GLG1: variants seen among roughly 807,000 people sequenced by gnomAD.
GLG1 encodes Golgi apparatus protein 1.
GLG1 carries 38 observed loss-of-function variants against 160.5 expected under a neutral mutation model. The ratio of observed to expected loss-of-function variants is 0.24; its 90% CI spans 0.18 to 0.31. The LOEUF (loss-of-function observed/expected upper bound fraction) is 0.31, where lower values mean the gene tolerates loss of function less well. Among genes scored for constraint, GLG1 ranks in the 10% least tolerant of loss-of-function variants. The pLI, the probability that GLG1 is intolerant of heterozygous loss-of-function variation, is 1.00. For synonymous variants in GLG1, 644 were observed against 543.4 expected (o/e 1.19, Z -2.57); for missense variants, 1,373 against 1,505.2 (o/e 0.91, Z 1.45).
At chr16:74,524,702 G>C (rs530243383) in intron 2 of GLG1, among the ~76,000 whole-genome samples, 18 of 152,258 alleles carry the variant, frequency 1.2e-4, no homozygotes, top group Non-Finnish European at 2.4e-4. Context: ...AAGCTGTATG[G>C]TGATTCCATG....
At chr16:74,464,198 T>C (rs991380634) in intron 19 of GLG1, among the ~76,000 whole-genome samples, 1 of 152,182 alleles carries the variant, frequency 6.6e-6, no homozygotes, top group African/African-American at 2.4e-5. Flanking sequence ...ATGTTAAGTT[T>C]AATGGCATCT....
intron 1 of GLG1, among the ~76,000 whole-genome samples, chr16:74,587,796 C>T (rs1456577112): frequency 6.6e-6 from 1 of 152,074 alleles, no homozygotes; most frequent in African/African-American, 2.4e-5. Flanking sequence ...GCGGAGGTTG[C>T]AGTGAGCTGA....
chr16:74,498,155 C>T (rs546732746), intron 4 of GLG1, among the ~76,000 whole-genome samples: 16 of 151,514 alleles, frequency 1.1e-4, no homozygotes, highest in Admixed American at 2.6e-4. Flanking sequence ...GCTATTAGCC[C>T]GGCACGATGG....
intron 10 of GLG1, among the ~76,000 whole-genome samples, chr16:74,481,385 T>C (rs904202499): frequency 2.0e-5 from 3 of 152,168 alleles, no homozygotes; most frequent in African/African-American, 4.8e-5. Context: ...CTTTGGTAGA[T>C]GGCTAGTTAA....
chr16:74,486,926 C>A (rs1343221126), intron 8 of GLG1, among the ~76,000 whole-genome samples: 1 of 149,790 alleles, frequency 6.7e-6, no homozygotes, highest in Non-Finnish European at 1.5e-5. Context: ...TTTTTTTTTC[C>A]CCCCCGAGAC....
intron 1 of GLG1, among the ~76,000 whole-genome samples, chr16:74,574,017 G>C (rs1359494565): frequency 6.6e-6 from 1 of 152,058 alleles, no homozygotes; most frequent in Non-Finnish European, 1.5e-5. Flanking sequence ...CTCTTTTTAA[G>C]CTACTGACTC....
chr16:74,495,354 T>G (rs879715910), intron 5 of GLG1, among the ~76,000 whole-genome samples: 1 of 152,226 alleles, frequency 6.6e-6, no homozygotes, highest in Non-Finnish European at 1.5e-5. Context: ...CCTCAAGTGA[T>G]CTGCCTGCCT....
intron 1 of GLG1, among the ~76,000 whole-genome samples, chr16:74,580,902 C>G (rs937835834): frequency 3.3e-5 from 5 of 152,294 alleles, no homozygotes; most frequent in South Asian, 2.1e-4. Context: ...GAAACTCCAT[C>G]TCTACTAAAA....
chr16:74,456,537 A>G, intron 25 of GLG1, 112 bp downstream of exon 25: 1 of 725,626 alleles, frequency 1.4e-6, no homozygotes, highest in Non-Finnish European at 2.4e-6. Context: ...AAGAGGCTGG[A>G]CAGCCACAGC....
intron 1 of GLG1, among the ~76,000 whole-genome samples, chr16:74,564,909 C>T (rs765962617): frequency 3.9e-5 from 6 of 152,184 alleles, no homozygotes; most frequent in African/African-American, 7.2e-5. Flanking sequence ...GCTCTAATCC[C>T]TACAGAAAAC....
intron 16 of GLG1, 87 bp from the exon 17 acceptor site, chr16:74,469,150 A>G (rs1413543775): frequency 1.3e-5 from 11 of 817,740 alleles, no homozygotes; most frequent in Non-Finnish European, 2.4e-5. Flanking sequence ...CACACCATTA[A>G]GAATTCAAGA....
At chr16:74,465,835 C>T (rs764936546) in intron 18 of GLG1, 22 bp from the exon 19 acceptor site, 47 of 1,610,910 alleles carry the variant, frequency 2.9e-5, no homozygotes, top group Admixed American at 6.7e-5. Flanking sequence ...GAGTTATAGT[C>T]AAGTTGAGAG....
chr16:74,561,913 G>A (rs1031238068), intron 1 of GLG1, among the ~76,000 whole-genome samples: 6 of 152,102 alleles, frequency 3.9e-5, no homozygotes, highest in African/African-American at 9.7e-5. Flanking sequence ...GCTCTAAATC[G>A]CTAAAAATGG....
In GLG1 at chr16:74,558,362, T is replaced by C. The variant is rs1474101884; in HGVS notation, c.439-26209A>G. On this transcript the variant is annotated intron_variant, in intron 1 of 25. Coordinates refer to ENST00000422840, the MANE Select transcript of GLG1 (RefSeq NM_001145667.2). The stretch of plus-strand genomic sequence containing the variant: ...CTCAATGTAACAGATTGCTTTCAGG[T>C]GTTAAGCCAGCCTTCCATGTGCTCA... 2.0e-5 allele frequency among the ~76,000 whole-genome samples: 3 copies of C among 152,250 alleles called. No homozygotes were observed. In the East Asian group the frequency reaches 5.8e-4, roughly 29 times the overall value.
chr16:74,459,632 G>GAAAA, intron 23 of GLG1, 50 bp downstream of exon 23: 8 of 770,360 alleles, frequency 1.0e-5, no homozygotes, highest in Admixed American at 2.9e-5. Flanking sequence ...AGGAAGAAGA[G>GAAAA]AAAAAAAAAA....
chr16:74,463,726 G>GT (rs60022447), intron 19 of GLG1, among the ~76,000 whole-genome samples: 28 of 94,042 alleles, frequency 3.0e-4, no homozygotes, highest in South Asian at 4.4e-4. Flanking sequence ...TCATTTTTGT[G>GT]TTTTTTTTGT....
intron 2 of GLG1, 39 bp from the exon 3 acceptor site, chr16:74,508,964 C>T (rs756284809): frequency 2.4e-6 from 2 of 820,040 alleles, no homozygotes; most frequent in Middle Eastern, 2.4e-4. Flanking sequence ...AGAAAAACTC[C>T]AGTTAGAACA....
Position 74,606,976 on chromosome 16 carries a change from T to C in GLG1, c.119A>G (p.Gln40Arg). 6.2e-7 allele frequency: 1 copy of C among 1,607,880 alleles called. No individual in the cohort carries two copies. The highest frequency in any genetic ancestry group is 1.1e-5 in the South Asian group (1 of 90,668). ...LPGQGVHSQGQGPGANFVSFV... is the reference protein window; with the variant it reads ...LPGQGVHSQGRGPGANFVSFV... ...GGACACAAAGTTGGCCCCGGGACCC[T>C]GGCCCTGGCTGTGGACGCCCTGGCC... Residue 40 changes from glutamine (Q) to arginine (R), a missense_variant, in exon 1 of 26, where the codon CAG becomes CGG. Coordinates refer to ENST00000422840, the MANE Select transcript of GLG1 (RefSeq NM_001145667.2).
chr16:74,465,289 G>C (rs113721068), intron 19 of GLG1, among the ~76,000 whole-genome samples: 4 of 152,202 alleles, frequency 2.6e-5, no homozygotes, highest in African/African-American at 9.6e-5. Context: ...CCAGATGGAT[G>C]ATCAGGACAT....
Sources: allele counts gnomAD v4.1 joint callset (sites outside exome capture counted in the v4.1 genomes callset), GRCh38; gene constraint gnomAD v4.1.1; transcripts MANE v1.5; gene names NCBI Gene and HGNC (gene_info 2026-07-23, HGNC 2026-07-21).